The following EPHA6 variants were observed in gnomAD, a reference collection of about 807,000 sequenced individuals.
The protein encoded by EPHA6 is EPH receptor A6, also known as ephrin type-A receptor 6.
EPHA6 carries 50 observed loss-of-function variants against 112.0 expected under a neutral mutation model. That is an observed-to-expected ratio of 0.45 (90% CI 0.36 to 0.56). EPHA6 has a LOEUF of 0.56. Among genes scored for constraint, EPHA6 ranks in the 20% least tolerant of loss-of-function variants. EPHA6 has a pLI of 0.00. For missense variants in EPHA6, 1,280 were observed against 1,417.4 expected, an observed-to-expected ratio of 0.90 and a Z score of 1.56; for synonymous variants, 529 against 490.7, an observed-to-expected ratio of 1.08 and a Z score of -1.03.
chr3:97,201,266 A>T (rs903353070), intron 3 of EPHA6, among the ~76,000 whole-genome samples: 1 of 152,138 alleles, frequency 6.6e-6, no homozygotes, highest in African/African-American at 2.4e-5. Flanking sequence ...CAAATCACTG[A>T]TGTATTTACT....
chr3:97,347,045 G>A (rs1406034216), intron 5 of EPHA6, among the ~76,000 whole-genome samples: 1 of 151,914 alleles, frequency 6.6e-6, no homozygotes, highest in African/African-American at 2.4e-5. Flanking sequence ...TTTTATTACT[G>A]TTGAAAAGAG....
At chr3:97,032,805 A>G (rs2044920458) in intron 3 of EPHA6, among the ~76,000 whole-genome samples, 3 of 151,978 alleles carry the variant, frequency 2.0e-5, no homozygotes, top group Admixed American at 1.3e-4. Context: ...TATTGCCCTA[A>G]GCCTAGCGAT....
At chr3:96,991,780 A>T (rs892963885) in intron 3 of EPHA6, among the ~76,000 whole-genome samples, 4 of 152,172 alleles carry the variant, frequency 2.6e-5, no homozygotes, top group African/African-American at 9.7e-5. Context: ...ATCCCTGTTG[A>T]TCTGCAGAAC....
intron 3 of EPHA6, among the ~76,000 whole-genome samples, chr3:97,138,784 G>A (rs1287492671): frequency 6.6e-6 from 1 of 152,236 alleles, no homozygotes; most frequent in Admixed American, 6.5e-5. Flanking sequence ...ACTGAGAAGG[G>A]TGTGGCCTGA....
intron 15 of EPHA6, among the ~76,000 whole-genome samples, chr3:97,732,034 C>T (rs943035513): frequency 7.2e-5 from 11 of 151,996 alleles, no homozygotes; most frequent in Non-Finnish European, 1.5e-4. Flanking sequence ...GTGCACTCTC[C>T]GCACTGCAGC....
chr3:96,873,883 A>C (rs906283659), intron 2 of EPHA6, among the ~76,000 whole-genome samples: 5 of 152,162 alleles, frequency 3.3e-5, no homozygotes, highest in South Asian at 4.1e-4. Flanking sequence ...TCAGCATTTC[A>C]GCATTTTACA....
intron 3 of EPHA6, among the ~76,000 whole-genome samples, chr3:97,129,830 G>C (rs2048289719): frequency 6.6e-6 from 1 of 152,134 alleles, no homozygotes; most frequent in Non-Finnish European, 1.5e-5. Flanking sequence ...ACAGAAGGCA[G>C]GTCAGGGTGA....
intron 7 of EPHA6, among the ~76,000 whole-genome samples, chr3:97,465,488 T>C (rs1227906327): frequency 1.3e-5 from 2 of 152,004 alleles, no homozygotes; most frequent in Non-Finnish European, 2.9e-5. Flanking sequence ...GGGGTTGGCC[T>C]TTTTAAAATA....
chr3:96,949,941 G>T (rs552003118), intron 2 of EPHA6, among the ~76,000 whole-genome samples: 1 of 152,124 alleles, frequency 6.6e-6, no homozygotes, highest in East Asian at 1.9e-4. Context: ...TAAACCTTTT[G>T]TGTTCACAAG....
chr3:96,996,219 C>T (rs2043414973), intron 3 of EPHA6, among the ~76,000 whole-genome samples: 1 of 152,110 alleles, frequency 6.6e-6, no homozygotes, highest in Non-Finnish European at 1.5e-5. Flanking sequence ...TCATTCATAT[C>T]TTGTCTCTAC....
At chr3:97,625,965 G>A (rs1560204102) in intron 13 of EPHA6, among the ~76,000 whole-genome samples, 2 of 151,550 alleles carry the variant, frequency 1.3e-5, no homozygotes, top group East Asian at 1.9e-4. Flanking sequence ...AGGAAATGAT[G>A]CCTGATTCTA....
chr3:97,319,984 A>G (rs1200969857), intron 5 of EPHA6, among the ~76,000 whole-genome samples: 1 of 151,956 alleles, frequency 6.6e-6, no homozygotes, highest in Admixed American at 6.6e-5. Context: ...ACAAAATCTC[A>G]CTTTAAAAAC....
At chr3:97,705,096 G>A (rs970324717) in intron 14 of EPHA6, among the ~76,000 whole-genome samples, 8 of 152,122 alleles carry the variant, frequency 5.3e-5, no homozygotes, top group Non-Finnish European at 8.8e-5. Flanking sequence ...AGGTCCAAAT[G>A]TATTTAATGC....
At chr3:97,068,428 A>C (rs535944353) in intron 3 of EPHA6, among the ~76,000 whole-genome samples, 1 of 152,234 alleles carries the variant, frequency 6.6e-6, no homozygotes, top group African/African-American at 2.4e-5. Context: ...ATGGAGGCTT[A>C]CAGAAAGAAG....
chr3:96,916,286 G>T (rs116421267), intron 2 of EPHA6, among the ~76,000 whole-genome samples: 2,154 of 152,248 alleles, frequency 0.014, 25 homozygotes, highest in Non-Finnish European at 0.023. Context: ...TCTAACTGGA[G>T]ATACTGATCT....
chr3:97,239,001 A>C (rs1050309234), intron 4 of EPHA6, among the ~76,000 whole-genome samples: 6 of 151,962 alleles, frequency 3.9e-5, no homozygotes, highest in African/African-American at 1.4e-4. Context: ...AGTTAACTAA[A>C]TCCTGATTGA....
chr3:97,361,826 T>C (rs575946906), intron 5 of EPHA6, among the ~76,000 whole-genome samples: 1 of 152,196 alleles, frequency 6.6e-6, no homozygotes, highest in Non-Finnish European at 1.5e-5. Flanking sequence ...GGGGATTAAA[T>C]TTCAACATGA....
chr3:97,718,191 A>G (rs895543638), intron 14 of EPHA6, among the ~76,000 whole-genome samples: 4 of 152,260 alleles, frequency 2.6e-5, no homozygotes, highest in Admixed American at 6.5e-5. Context: ...CTCAATATGC[A>G]GAGCCACAAG....
chr3:97,537,538 T>A (rs949282328), intron 11 of EPHA6, among the ~76,000 whole-genome samples: 16 of 152,194 alleles, frequency 1.1e-4, no homozygotes, highest in Admixed American at 8.5e-4. Flanking sequence ...TTAAATTTAT[T>A]CATTCAGCAA....
Sources: gnomAD v4.1 joint callset for allele counts (sites outside exome capture counted in the v4.1 genomes callset) on GRCh38, gnomAD v4.1.1 for gene constraint, MANE v1.5 for transcripts, NCBI Gene and HGNC (gene_info 2026-07-23, HGNC 2026-07-21) for gene names.